FMNL1: variants seen among roughly 807,000 people sequenced by gnomAD.
The protein encoded by FMNL1 is formin like 1.
In FMNL1, 43 loss-of-function variants were observed where a neutral mutation model predicts 121.3. The observed-to-expected ratio is 0.35, with a 90% CI of 0.28 to 0.46. The LOEUF (loss-of-function observed/expected upper bound fraction) is 0.46. Ranked by LOEUF, FMNL1 falls within the 20% of genes least tolerant of loss-of-function variation. The pLI, the probability that FMNL1 is intolerant of heterozygous loss-of-function variation, is 1.00. For synonymous variants in FMNL1, 613 were observed against 613.5 expected (o/e 1.00, Z 0.01); for missense variants, 1,191 against 1,482.4 (o/e 0.80, Z 3.23).
intron 6 of FMNL1, 136 bp from the exon 7 acceptor site, chr17:45,236,000 C>T (rs908702102): frequency 1.5e-6 from 1 of 686,288 alleles, no homozygotes; most frequent in Admixed American, 2.6e-5. Flanking sequence ...CTCAGCCAGC[C>T]TCTTTGGTTG....
In FMNL1 at chr17:45,241,668, G is replaced by A. The variant is rs758700837; in HGVS notation, c.1585+34G>A. The A allele has an allele frequency of 6.8e-7, 1 of 1,470,160 alleles. No individual in the cohort carries two copies. Among genetic ancestry groups the A allele is most frequent in the Non-Finnish European group, 9.0e-7 (1 of 1,114,696 alleles). The allele number at this position is 1,470,160 out of a possible 1,614,324, so 91.1% of individuals were successfully genotyped here. A position where few individuals can be genotyped will look rare whatever the true frequency, so the allele number is the denominator to read the frequency against. On this transcript the variant is annotated intron_variant, in intron 14 of 26. Transcript: ENST00000331495. This position sits in a 1 kb window ranked among gnomAD's most constrained non-coding sequence, Gnocchi z 7.0. ...GAGCTTCAGGCTGGCGGGGATGCGG[G>A]GCAGGGTCTGGAGGGGAGCCCAGGG...
At position 45,226,511 on chromosome 17, in the gene FMNL1, C is replaced by T. The variant is rs182548365; in HGVS notation, c.130-4093C>T. 1.1e-3 allele frequency among the ~76,000 whole-genome samples: 167 copies of T among 152,286 alleles called. 1 individual carries two copies. Among genetic ancestry groups the T allele is most frequent in the African/African-American group, 3.5e-3 (146 of 41,564 alleles). On this transcript the variant is annotated intron_variant, in intron 1 of 26. Transcript: ENST00000331495. ...CGGCTGCTCCTTCTTTGGAGGAAGC[C>T]GGGTCTTCCTTGCTAGCTTGCCACC... is the stretch of plus-strand genomic sequence containing the variant.
At chr17:45,246,800 C>A in intron 26 of FMNL1, 67 bp from the exon 27 acceptor site, 2 of 700,460 alleles carry the variant, frequency 2.9e-6, no homozygotes, top group South Asian at 3.1e-5. Context: ...AAGCTTTGTG[C>A]CCTGGAGCCA....
intron 9 of FMNL1, chr17:45,238,241 A>C: frequency 3.5e-6 from 1 of 287,516 alleles, no homozygotes; most frequent in Non-Finnish European, 6.6e-6. Flanking sequence ...TGGTCAGGGA[A>C]GGCCTCACTG....
At chr17:45,232,908 T>C in intron 3 of FMNL1, 1 of 554,024 alleles carries the variant, frequency 1.8e-6, no homozygotes, top group Non-Finnish European at 3.4e-6. Context: ...AGAGTGCAGG[T>C]ATATGGATGT....
chr17:45,230,305 C>G (rs934396470), intron 1 of FMNL1, among the ~76,000 whole-genome samples: 1 of 152,172 alleles, frequency 6.6e-6, no homozygotes, highest in African/African-American at 2.4e-5. Flanking sequence ...GGCTGACAAC[C>G]CACGCTCCTG....
At chr17:45,246,067 A>T (rs1285385012) in intron 24 of FMNL1, 94 bp downstream of exon 24, 1 of 1,523,964 alleles carries the variant, frequency 6.6e-7, no homozygotes, top group South Asian at 1.3e-5. Flanking sequence ...ACTGTTACAG[A>T]CTGACCCTGC....
chr17:45,240,561 A>G lies in FMNL1; in HGVS notation c.1166A>G (p.Glu389Gly), dbSNP rs755658968. 4 of 1,613,742 alleles carry G rather than the reference A, an allele frequency of 2.5e-6. No homozygotes were observed. The highest frequency in any genetic ancestry group is 1.1e-5 in the South Asian group (1 of 91,056). The change falls in exon 12 of 27, where the codon GAG becomes GGG. Residue 389 changes from glutamate to glycine, a missense_variant. Physicochemically the swap from Glu to Gly is moderately conservative, Grantham distance 98. Transcript: ENST00000331495. ...ATTTTTGATGTGGGGGCGCTGCTGG[A>G]GGACACAGAGACCAAGAACGCTGTG... ...DNIFDVGALL[E>G]DTETKNAVLE...
Position 45,233,770 on chromosome 17 carries a change from A to C in FMNL1, c.485+39A>C. 6.2e-7 allele frequency: 1 copy of C among 1,610,510 alleles called. No individual in the cohort carries two copies. Among genetic ancestry groups the C allele is most frequent in the African/African-American group, 1.3e-5 (1 of 74,902 alleles). On this transcript the variant is annotated intron_variant, in intron 5 of 26. Coordinates refer to ENST00000331495, the MANE Select transcript of FMNL1 (RefSeq NM_005892.4). The surrounding 1 kb of genome is among the most constrained non-coding windows in gnomAD (Gnocchi z 4.1). ...TCCCAGCCCTCATGCCGCTCCTCAG[A>C]GCTTTGATCCCCGTCTCCCTGCATC...
intron 11 of FMNL1, 163 bp downstream of exon 11, chr17:45,239,228 G>A: frequency 1.6e-6 from 1 of 623,086 alleles, no homozygotes; most frequent in East Asian, 2.7e-5. Flanking sequence ...CTCTCTCAGT[G>A]TCAGTTTTGC....
rs756393210 is a variant in FMNL1 at position 45,243,834 on chromosome 17, A to G, written c.2257A>G (p.Met753Val). 3 of 1,613,498 alleles carry G rather than the reference A, an allele frequency of 1.9e-6. No homozygotes were observed. The highest frequency in any genetic ancestry group is 2.5e-6 in the Non-Finnish European group (3 of 1,179,730). The change falls in exon 18 of 27, where the codon ATG becomes GTG. Residue 753 changes from methionine (M) to valine (V), a missense_variant. This residue lies in a region of FMNL1 where 367 missense variants were observed against 528.6 expected (regional missense o/e 0.69). Coordinates refer to ENST00000331495, the MANE Select transcript of FMNL1 (RefSeq NM_005892.4). ...ALGLDFLELL[M>V]RFLPTEYERS... is the part of the protein sequence containing the mutation. ...GGGCCTGGACTTCCTGGAGCTGCTG[A>G]TGCGCTTCCTGCCCACAGAGTATGA...
rs1248644407 is a variant in FMNL1 at position 45,241,640 on chromosome 17, C to T, written c.1585+6C>T. 6.7e-7 allele frequency: 1 copy of T among 1,492,810 alleles called. No individual in the cohort carries two copies. Among genetic ancestry groups the T allele is most frequent in the South Asian group, 1.3e-5 (1 of 75,976 alleles). The allele number at this position is 1,492,810 out of a possible 1,614,324, so 92.5% of individuals were successfully genotyped here. ...GACCGGCTCCCCCAGCCCAGGTGCG[C>T]AGGAGCTTCAGGCTGGCGGGGATGC... On this transcript the variant is annotated splice_donor_region_variant and intron_variant, in intron 14 of 26. Coordinates refer to ENST00000331495, the MANE Select transcript of FMNL1 (RefSeq NM_005892.4). The surrounding 1 kb of genome is among the most constrained non-coding windows in gnomAD (Gnocchi z 7.0).
chr17:45,238,386 T>G, intron 9 of FMNL1, 178 bp from the exon 10 acceptor site: 5 of 604,226 alleles, frequency 8.3e-6, no homozygotes, highest in South Asian at 2.0e-5. Flanking sequence ...GTGGCCAGAG[T>G]GGAAAAAGTG....
At position 45,234,067 on chromosome 17, in the gene FMNL1, C is replaced by A; in HGVS notation, c.486-5C>A. Reference sequence around the variant, plus strand: ...GCCTCCAGCCCCATTGCATCCTGTCCCCAGGTATGACATGGAGAGCACAGA... The same window carrying A: ...GCCTCCAGCCCCATTGCATCCTGTCACCAGGTATGACATGGAGAGCACAGA... On this transcript the variant is annotated splice_region_variant and splice_polypyrimidine_tract_variant and intron_variant, in intron 5 of 26. Transcript: ENST00000331495. The A allele has an allele frequency of 6.2e-7, 1 of 1,613,828 alleles. No individual in the cohort carries two copies. The highest frequency in any genetic ancestry group is 8.5e-7 in the Non-Finnish European group (1 of 1,179,894).
In FMNL1 at chr17:45,246,515, G is replaced by A; in HGVS notation, c.3222G>A (p.Thr1074=). The change falls in exon 26 of 27, where the codon ACG becomes ACA. Residue 1074 remains threonine (T), a synonymous_variant. Coordinates refer to ENST00000331495, the MANE Select transcript of FMNL1 (RefSeq NM_005892.4). ...AIEDIITVIK[T]VPFTARTGKR... is the part of the protein sequence containing the mutation. ...CCCACCCCCACTCAGTGATCAAGACGGTGCCCTTCACGGCCCGCACCGGCA... is the reference window on the plus strand; with the variant it reads ...CCCACCCCCACTCAGTGATCAAGACAGTGCCCTTCACGGCCCGCACCGGCA... 1 of 1,614,056 alleles carries A rather than the reference G, an allele frequency of 6.2e-7. No individual in the cohort carries two copies. The highest frequency in any genetic ancestry group is 2.2e-5 in the East Asian group (1 of 44,870).
In FMNL1 at chr17:45,237,035, T is replaced by C. The variant is rs2043565689; in HGVS notation, c.724-246T>C. On this transcript the variant is annotated intron_variant, in intron 7 of 26. Coordinates refer to ENST00000331495, the MANE Select transcript of FMNL1 (RefSeq NM_005892.4). The surrounding 1 kb of genome is among the most constrained non-coding windows in gnomAD (Gnocchi z 4.4). ...TGGGAAGCTGAGTCAGGAGAATCAC[T>C]TGAACCCGGGAGGCAGAGACTGCGG... Among the ~76,000 whole-genome samples, 1 of 152,166 alleles carries C rather than the reference T, an allele frequency of 6.6e-6. No individual in the cohort carries two copies. The highest frequency in any genetic ancestry group is 1.5e-5 in the Non-Finnish European group (1 of 68,028).
Position 45,237,129 on chromosome 17 carries a change from T to G in FMNL1, c.724-152T>G. Reference sequence around the variant, plus strand: ...GGAAACTCCATCTTGAAAAAAAAAATAGAAACAAGGCCAGGTTTTGGTGGC... The same window carrying G: ...GGAAACTCCATCTTGAAAAAAAAAAGAGAAACAAGGCCAGGTTTTGGTGGC... On this transcript the variant is annotated intron_variant, in intron 7 of 26. Transcript: ENST00000331495. This position sits in a 1 kb window ranked among gnomAD's most constrained non-coding sequence, Gnocchi z 4.4. The G allele has an allele frequency of 9.4e-6, 6 of 635,874 alleles. No homozygotes were observed. Among genetic ancestry groups the G allele is most frequent in the South Asian group, 2.0e-5 (1 of 49,158 alleles). 39.4% of individuals were successfully genotyped at this position (635,874 alleles called of 1,614,324 possible).
At chr17:45,240,920 C>T (rs1175206206) in intron 12 of FMNL1, 1 of 707,250 alleles carries the variant, frequency 1.4e-6, no homozygotes, top group South Asian at 1.8e-5. Context: ...CTCCTCCTCT[C>T]CCTCCACCTC....
Position 45,232,389 on chromosome 17 carries a change from C to G in FMNL1, c.236C>G (p.Pro79Arg). The change falls in exon 3 of 27, where the codon CCC becomes CGC. Residue 79 changes from proline to arginine, a missense_variant. By Grantham distance (103) the Pro-to-Arg change is moderately radical. Transcript: ENST00000331495. ...CDQERFQVKN[P>R]PAAYIQKLKS... ...CAGGAGCGGTTTCAAGTCAAGAATC[C>G]CCCCGCAGCCTACATCCAGAAGCTG... The G allele has an allele frequency of 6.2e-7, 1 of 1,613,768 alleles. No individual in the cohort carries two copies. Among genetic ancestry groups the G allele is most frequent in the Non-Finnish European group, 8.5e-7 (1 of 1,179,888 alleles).
Sources: gnomAD v4.1 joint callset for allele counts (sites outside exome capture counted in the v4.1 genomes callset) on GRCh38, gnomAD v4.1.1 for gene constraint, gnomAD v4.1.1 regional missense constraint, Gnocchi (gnomAD v3.1) non-coding constraint, MANE v1.5 for transcripts, NCBI Gene and HGNC (gene_info 2026-07-23, HGNC 2026-07-21) for gene names.